ATAD5: variants seen among roughly 807,000 people sequenced by gnomAD.
The protein encoded by ATAD5 is ATPase family AAA domain containing 5, also known as ATPase family AAA domain-containing protein 5.
ATAD5 carries 58 observed loss-of-function variants against 176.9 expected under a neutral mutation model. The observed-to-expected ratio is 0.33, with a 90% CI of 0.27 to 0.41. The LOEUF is 0.41. Ranked by LOEUF, ATAD5 falls within the 10% of genes least tolerant of loss-of-function variation. The pLI, the probability that ATAD5 is intolerant of heterozygous loss-of-function variation, is 1.00. For missense variants in ATAD5, 1,789 were observed against 2,094.1 expected, an observed-to-expected ratio of 0.85 and a Z score of 2.84; for synonymous variants, 640 against 712.6, an observed-to-expected ratio of 0.90 and a Z score of 1.62.
intron 19 of ATAD5, among the ~76,000 whole-genome samples, chr17:30,892,143 G>A (rs1435196354): frequency 6.6e-6 from 1 of 151,840 alleles, no homozygotes; most frequent in East Asian, 1.9e-4. Context: ...TAATGCTTAT[G>A]GCCAGGCGCA....
At chr17:30,855,417 TTTAA>T in intron 7 of ATAD5, 90 bp downstream of exon 7, 1 of 1,278,936 alleles carries the variant, frequency 7.8e-7, no homozygotes, top group South Asian at 1.6e-5. Flanking sequence ...GAGGCTGAAG[TTTAA>T]TTATCATTCT....
rs1395700257 is a variant in ATAD5 at position 30,835,757 on chromosome 17, A to G, written c.1676A>G (p.Asn559Ser). The change falls in exon 2 of 23, where the codon AAT (asparagine) becomes AGT (serine). Residue 559 changes from asparagine to serine, a missense_variant. Asn to Ser is a conservative substitution (Grantham distance 46, BLOSUM62 1). This residue lies in a region of ATAD5 where 696 missense variants were observed against 712.5 expected (regional missense o/e 0.98). Transcript: ENST00000321990. ...AAGGTTTCCTCTCTGTGTAACAATA[A>G]TAAATTGTCAAGAAAAACCAGCATA... is the stretch of plus-strand genomic sequence containing the variant. ...LLKVSSLCNN[N>S]KLSRKTSIPV... 5.0e-6 allele frequency: 8 copies of G among 1,613,650 alleles called. No homozygotes were observed. Among genetic ancestry groups the G allele is most frequent in the Non-Finnish European group, 6.8e-6 (8 of 1,179,884 alleles).
At chr17:30,853,108 T>C (rs1406894454) in intron 6 of ATAD5, among the ~76,000 whole-genome samples, 8 of 151,944 alleles carry the variant, frequency 5.3e-5, no homozygotes, top group Admixed American at 4.6e-4. Flanking sequence ...CTGGCTGGTC[T>C]TGAACTCCTG....
intron 17 of ATAD5, among the ~76,000 whole-genome samples, 169 bp from the exon 18 acceptor site, chr17:30,879,254 T>C (rs1015067741): frequency 1.3e-5 from 2 of 152,130 alleles, no homozygotes; most frequent in African/African-American, 2.4e-5. Flanking sequence ...AGAGGATCAC[T>C]TGAGCCCAGG....
intron 6 of ATAD5, among the ~76,000 whole-genome samples, chr17:30,850,833 T>TTATTTATATATA (rs1906851454): frequency 3.6e-5 from 1 of 27,832 alleles, no homozygotes; most frequent in Non-Finnish European, 5.9e-5. Flanking sequence ...TTATATATTT[T>TTATTTATATATA]TATATATATA....
chr17:30,876,911 T>G (rs1908717412), intron 15 of ATAD5, among the ~76,000 whole-genome samples: 1 of 151,664 alleles, frequency 6.6e-6, no homozygotes. Flanking sequence ...GAGACGGGGT[T>G]TTGCCATATT....
Position 30,888,731 on chromosome 17 carries a change from T to C in ATAD5, c.4258+1359T>C, listed in dbSNP as rs532387281. The stretch of plus-strand genomic sequence containing the variant: ...ACTAATCTATAAGTTACTTATTCTT[T>C]TGTAGTTGAGCTTTTAAGATGATCT... On this transcript the variant is annotated intron_variant, in intron 19 of 22. Transcript: ENST00000321990. Among the ~76,000 whole-genome samples the C allele has an allele frequency of 2.3e-4, 35 of 152,238 alleles. 1 individual carries two copies. Among genetic ancestry groups the C allele is most frequent in the Admixed American group, 1.2e-3 (19 of 15,264 alleles).
In ATAD5 at chr17:30,834,271, G is replaced by T; in HGVS notation, c.190G>T (p.Asp64Tyr). The change falls in exon 2 of 23, where the codon GAT becomes TAT. Residue 64 changes from aspartate (D) to tyrosine (Y), a missense_variant. Asp to Tyr is a radical substitution (Grantham distance 160). This residue lies in a region of ATAD5 where 696 missense variants were observed against 712.5 expected (regional missense o/e 0.98). Transcript: ENST00000321990. ...TCCACCAAAACCTAGTAATATTCTGGATTATTTTAGAAAGACTTCACCCAC... is the reference window on the plus strand; with the variant it reads ...TCCACCAAAACCTAGTAATATTCTGTATTATTTTAGAAAGACTTCACCCAC... The part of the protein sequence containing the change: ...FAPPKPSNIL[D>Y]YFRKTSPTNE... The T allele has an allele frequency of 1.2e-6, 2 of 1,613,650 alleles. No homozygotes were observed. Among genetic ancestry groups the T allele is most frequent in the Non-Finnish European group, 8.5e-7 (1 of 1,179,870 alleles).
rs1436287087 is a variant in ATAD5 at position 30,834,172 on chromosome 17, G to C, written c.91G>C (p.Asp31His). ...IEPCKKRKKD[D>H]DTSTCKTITK... ...GCCATGCAAAAAGCGAAAGAAAGAT[G>C]ATGACACATCTACCTGCAAAACAAT... is the stretch of plus-strand genomic sequence containing the variant. The change falls in exon 2 of 23, where the codon GAT becomes CAT. Residue 31 changes from aspartate (D) to histidine (H), a missense_variant. Around this residue, in one of 6 missense-constraint regions of ATAD5, gnomAD observed 696 missense variants for 712.5 expected, o/e 0.98. Transcript: ENST00000321990. 1 of 1,566,542 alleles carries C rather than the reference G, an allele frequency of 6.4e-7. No individual in the cohort carries two copies. The highest frequency in any genetic ancestry group is 2.3e-5 in the East Asian group (1 of 43,876).
intron 8 of ATAD5, 69 bp downstream of exon 8, chr17:30,857,181 GA>G: frequency 1.0e-5 from 15 of 1,493,550 alleles, no homozygotes; most frequent in Non-Finnish European, 1.1e-5. Context: ...AACATTTTTG[GA>G]TATCTACTCT....
intron 14 of ATAD5, among the ~76,000 whole-genome samples, chr17:30,872,818 A>C (rs1908418748): frequency 6.6e-6 from 1 of 151,960 alleles, no homozygotes; most frequent in Admixed American, 6.6e-5. Flanking sequence ...GGTCTCCCAG[A>C]GTGCTGGGAT....
At chr17:30,855,005 C>G (rs1907207271) in intron 6 of ATAD5, 138 bp from the exon 7 acceptor site, 7 of 744,102 alleles carry the variant, frequency 9.4e-6, no homozygotes, top group Non-Finnish European at 1.4e-5. Context: ...GTGATCCGCC[C>G]ACCTCTGCCT....
chr17:30,845,765 G>A (rs939914398), intron 6 of ATAD5, among the ~76,000 whole-genome samples: 8 of 152,190 alleles, frequency 5.3e-5, no homozygotes, highest in African/African-American at 1.9e-4. Context: ...GTAGATGTAG[G>A]AGTCCAGGTA....
chr17:30,865,256 T>C (rs1467066566), intron 10 of ATAD5, among the ~76,000 whole-genome samples: 1 of 150,842 alleles, frequency 6.6e-6, no homozygotes, highest in Admixed American at 6.7e-5. Context: ...CATTGCAAGC[T>C]CCGCCTCCCG....
At chr17:30,865,935 G>T (rs879826402) in intron 11 of ATAD5, 135 bp downstream of exon 11, 9 of 516,666 alleles carry the variant, frequency 1.7e-5, no homozygotes, top group Non-Finnish European at 2.9e-5. Flanking sequence ...TAAGTGAAAA[G>T]TAGCCCTCTT....
At chr17:30,885,957 G>A (rs1909301657) in intron 18 of ATAD5, among the ~76,000 whole-genome samples, 1 of 151,822 alleles carries the variant, frequency 6.6e-6, no homozygotes, top group Non-Finnish European at 1.5e-5. Flanking sequence ...GTAGGTGTTG[G>A]ATTTTATCAA....
At chr17:30,870,713 T>G (rs1438493423) in intron 14 of ATAD5, among the ~76,000 whole-genome samples, 1 of 152,190 alleles carries the variant, frequency 6.6e-6, no homozygotes, top group Non-Finnish European at 1.5e-5. Flanking sequence ...ACCTTGACAG[T>G]TGACCAGTGA....
Position 30,869,323 on chromosome 17 carries a change from T to A in ATAD5, c.3389T>A (p.Ile1130Lys). ...EESRLCNTVL[I>K]TGPTGVGKTA... ...AGTCGTCTTTGCAATACTGTCCTTA[T>A]AACAGGGCCAACAGGAGTGGGAAAA... Residue 1130 changes from isoleucine (I) to lysine (K), a missense_variant, in exon 13 of 23, where the codon ATA (isoleucine) becomes AAA (lysine). Physicochemically the swap from Ile to Lys is moderately radical, Grantham distance 102. Transcript: ENST00000321990. 6.2e-7 allele frequency: 1 copy of A among 1,614,130 alleles called. No individual in the cohort carries two copies. Among genetic ancestry groups the A allele is most frequent in the Non-Finnish European group, 8.5e-7 (1 of 1,180,012 alleles).
At chr17:30,877,284 C>T (rs1908732853) in intron 15 of ATAD5, 132 bp from the exon 16 acceptor site, 1 of 636,366 alleles carries the variant, frequency 1.6e-6, no homozygotes, top group African/African-American at 1.9e-5. Context: ...GCTGGGATTA[C>T]AGGCATGAGC....
Sources: allele counts gnomAD v4.1 joint callset (sites outside exome capture counted in the v4.1 genomes callset), GRCh38; gene constraint gnomAD v4.1.1; regional missense constraint gnomAD v4.1.1; transcripts MANE v1.5; gene names NCBI Gene and HGNC (gene_info 2026-07-23, HGNC 2026-07-21).